The following TULP4 variants were observed in gnomAD, a reference collection of about 807,000 sequenced individuals.
TULP4 encodes the protein tubby-related protein 4.
TULP4 carries 16 observed loss-of-function variants against 129.0 expected under a neutral mutation model. The observed-to-expected ratio is 0.12, with a 90% CI of 0.08 to 0.19. The LOEUF (loss-of-function observed/expected upper bound fraction) is 0.19, where lower values mean the gene tolerates loss of function less well. Among genes scored for constraint, TULP4 ranks in the 10% least tolerant of loss-of-function variants. TULP4 has a pLI of 1.00. For missense variants in TULP4, 1,842 were observed against 2,059.1 expected, an observed-to-expected ratio of 0.89 and a Z score of 2.04; for synonymous variants, 998 against 854.0, an observed-to-expected ratio of 1.17 and a Z score of -2.94.
intron 1 of TULP4, among the ~76,000 whole-genome samples, chr6:158,294,104 C>T (rs891534727): frequency 1.3e-5 from 2 of 152,212 alleles, no homozygotes; most frequent in Non-Finnish European, 2.9e-5. Flanking sequence ...TGGTTCACTC[C>T]TGTAATCCCA....
At chr6:158,463,620 A>G (rs1380208999) in intron 6 of TULP4, among the ~76,000 whole-genome samples, 1 of 150,472 alleles carries the variant, frequency 6.6e-6, no homozygotes, top group East Asian at 1.9e-4. Flanking sequence ...CATTGTGCAC[A>G]TGTACCCTAG....
At chr6:158,258,250 G>C (rs1029081851) in intron 1 of TULP4, among the ~76,000 whole-genome samples, 1 of 152,020 alleles carries the variant, frequency 6.6e-6, no homozygotes, top group South Asian at 2.1e-4. Flanking sequence ...GGGGCCAGGA[G>C]GACACTCTTT....
intron 1 of TULP4, among the ~76,000 whole-genome samples, chr6:158,302,816 G>GC (rs1779153836): frequency 6.6e-6 from 1 of 151,834 alleles, no homozygotes; most frequent in South Asian, 2.1e-4. Context: ...ATTAATTTCA[G>GC]CCCCCCACTG....
intron 2 of TULP4, among the ~76,000 whole-genome samples, chr6:158,415,996 A>G (rs1313218168): frequency 6.6e-6 from 1 of 152,220 alleles, no homozygotes; most frequent in Non-Finnish European, 1.5e-5. Flanking sequence ...TCTGTGGCCG[A>G]AGGTCCAAGA....
rs1780049063 is a variant in TULP4 at position 158,337,014 on chromosome 6, T to C, written c.252+22746T>C. On this transcript the variant is annotated intron_variant, in intron 1 of 13. Transcript: ENST00000367097. ...TATTTGGAAAGGAAAGGTTATGAGC[T>C]GTAAAATTTTCTTTCTTTCTTTTTC... 3.9e-5 allele frequency among the ~76,000 whole-genome samples: 5 copies of C among 129,012 alleles called. No homozygotes were observed. The South Asian group carries it at 1.5e-3, about 38-fold the overall frequency. The allele number at this position is 129,012 out of a possible 152,430, so 84.6% of individuals were successfully genotyped here. A position where few individuals can be genotyped will look rare whatever the true frequency, so the allele number is the denominator to read the frequency against.
rs889120325 is a variant in TULP4, at chr6:158,314,343, C to G, written c.252+75C>G. ...GAGCCCCTTGTGGACTTGAAACTTC[C>G]TTCATTTCAGTTTCATAGACTTGCT... On this transcript the variant is annotated intron_variant, in intron 1 of 13. Transcript: ENST00000367097. The G allele has an allele frequency of 1.9e-4, 286 of 1,531,726 alleles. 2 individuals carry two copies. Among genetic ancestry groups the G allele is most frequent in the Non-Finnish European group, 2.4e-4 (271 of 1,134,302 alleles). 94.9% of individuals were successfully genotyped at this position (1,531,726 alleles called of 1,614,324 possible).
At chr6:158,488,762 G>T in intron 8 of TULP4, among the ~76,000 whole-genome samples, 1 of 151,654 alleles carries the variant, frequency 6.6e-6, no homozygotes, top group African/African-American at 2.4e-5. Context: ...TGGAAGAATG[G>T]GGTCCTCACA....
At chr6:158,352,406 T>A (rs1341890256) in intron 1 of TULP4, among the ~76,000 whole-genome samples, 1 of 152,218 alleles carries the variant, frequency 6.6e-6, no homozygotes, top group African/African-American at 2.4e-5. Flanking sequence ...CTGACACTGG[T>A]TCTTTTTTTG....
chr6:158,343,590 GC>G (rs1780236077), intron 1 of TULP4, among the ~76,000 whole-genome samples: 1 of 152,070 alleles, frequency 6.6e-6, no homozygotes, highest in African/African-American at 2.4e-5. Flanking sequence ...GGAGAAGGTG[GC>G]CACCTGCAGT....
chr6:158,253,809 C>T (rs1351753476), intron 1 of TULP4, among the ~76,000 whole-genome samples: 5 of 152,032 alleles, frequency 3.3e-5, no homozygotes, highest in Non-Finnish European at 4.4e-5. Flanking sequence ...CCAAGGTGGG[C>T]GGATCACCTG....
At chr6:158,357,214 G>A (rs749573090) in intron 1 of TULP4, among the ~76,000 whole-genome samples, 1 of 152,170 alleles carries the variant, frequency 6.6e-6, no homozygotes, top group Non-Finnish European at 1.5e-5. Context: ...GTGACTCTTC[G>A]AGTCAAGGTT....
chr6:158,243,477 A>G (rs989481058), intron 1 of TULP4, among the ~76,000 whole-genome samples: 5 of 149,626 alleles, frequency 3.3e-5, no homozygotes, highest in African/African-American at 1.2e-4. Flanking sequence ...GATTGTTTGA[A>G]TTAAGATGCA....
At chr6:158,241,848 C>T in intron 1 of TULP4, 1 of 638,708 alleles carries the variant, frequency 1.6e-6, no homozygotes, top group East Asian at 3.0e-5. Flanking sequence ...CTGCCTCCGC[C>T]TCCCAAAGTG....
At chr6:158,370,065 A>G (rs1055026012) in intron 1 of TULP4, among the ~76,000 whole-genome samples, 6 of 152,020 alleles carry the variant, frequency 3.9e-5, no homozygotes, top group African/African-American at 1.4e-4. Context: ...AGCTGGGCAT[A>G]GCTGGGCATC....
intron 1 of TULP4, among the ~76,000 whole-genome samples, chr6:158,235,990 T>C (rs1465425869): frequency 6.6e-6 from 1 of 152,232 alleles, no homozygotes; most frequent in African/African-American, 2.4e-5. Flanking sequence ...ATCACTTCCC[T>C]TCTATATGGA....
intron 1 of TULP4, among the ~76,000 whole-genome samples, chr6:158,329,213 A>C (rs1243737873): frequency 6.6e-6 from 1 of 152,048 alleles, no homozygotes; most frequent in Non-Finnish European, 1.5e-5. Flanking sequence ...TCTTACTGAC[A>C]TGTGTTGTTT....
intron 1 of TULP4, among the ~76,000 whole-genome samples, chr6:158,347,678 C>T (rs886268018): frequency 2.0e-5 from 3 of 152,216 alleles, no homozygotes; most frequent in African/African-American, 7.2e-5. Flanking sequence ...CAAGCTTGCT[C>T]CTAGGGGCCT....
At chr6:158,435,268 A>G (rs2115077128) in intron 3 of TULP4, among the ~76,000 whole-genome samples, 1 of 152,206 alleles carries the variant, frequency 6.6e-6, no homozygotes, top group Middle Eastern at 3.4e-3. Flanking sequence ...TCTTCCAGGC[A>G]TTTGCAGCTT....
intron 1 of TULP4, among the ~76,000 whole-genome samples, chr6:158,373,919 A>C (rs1202490876): frequency 6.6e-6 from 1 of 152,134 alleles, no homozygotes; most frequent in Non-Finnish European, 1.5e-5. Context: ...TACTAATGAG[A>C]ATAGGGTGTG....
Sources: allele counts gnomAD v4.1 joint callset (sites outside exome capture counted in the v4.1 genomes callset), GRCh38; gene constraint gnomAD v4.1.1; transcripts MANE v1.5; gene names NCBI Gene and HGNC (gene_info 2026-07-23, HGNC 2026-07-21).